The following ERBB4 variants were observed in gnomAD, a reference collection of about 807,000 sequenced individuals.
ERBB4 encodes the protein receptor tyrosine-protein kinase erbB-4.
A neutral mutation model predicts 158.0 loss-of-function variants in ERBB4; 42 were observed. That is an observed-to-expected ratio of 0.27 (90% CI 0.21 to 0.34). The LOEUF (loss-of-function observed/expected upper bound fraction) is 0.34. Among genes scored for constraint, ERBB4 ranks in the 10% least tolerant of loss-of-function variants. The pLI is 1.00. For synonymous variants in ERBB4, 583 were observed against 558.7 expected, an observed-to-expected ratio of 1.04 and a Z score of -0.61; for missense variants, 1,333 against 1,624.1, an observed-to-expected ratio of 0.82 and a Z score of 3.08.
At chr2:211,509,154 AGG>A (rs56166526) in intron 20 of ERBB4, among the ~76,000 whole-genome samples, 78,419 of 150,992 alleles carry the variant, frequency 0.52, 20,597 homozygotes, top group Middle Eastern at 0.56. Context: ...GGACACAGGG[AGG>A]GGGGAGTATC....
chr2:211,500,445 A>T (rs1449729161), intron 20 of ERBB4, among the ~76,000 whole-genome samples: 2 of 152,134 alleles, frequency 1.3e-5, no homozygotes, highest in Admixed American at 1.3e-4. Flanking sequence ...AGTCAAGATA[A>T]TTTATTTAAA....
intron 1 of ERBB4, among the ~76,000 whole-genome samples, chr2:212,474,739 T>A (rs1446296048): frequency 6.6e-6 from 1 of 151,920 alleles, no homozygotes; most frequent in Non-Finnish European, 1.5e-5. Flanking sequence ...TGGGTAGGCA[T>A]TTCCAATAGA....
chr2:212,412,325 G>A (rs1433089383), intron 1 of ERBB4, among the ~76,000 whole-genome samples: 2 of 152,152 alleles, frequency 1.3e-5, no homozygotes, highest in Non-Finnish European at 2.9e-5. Flanking sequence ...CCTGATGGCA[G>A]GTGTTTGGAT....
chr2:211,925,836 CT>C (rs577943772), intron 3 of ERBB4, among the ~76,000 whole-genome samples: 5 of 151,212 alleles, frequency 3.3e-5, no homozygotes, highest in Admixed American at 2.0e-4. Flanking sequence ...CTTTTTCTCT[CT>C]TTTTTTTTAC....
intron 4 of ERBB4, among the ~76,000 whole-genome samples, chr2:211,762,636 G>C (rs1486706692): frequency 6.6e-6 from 1 of 152,146 alleles, no homozygotes; most frequent in Admixed American, 6.5e-5. Context: ...CATGCTAATG[G>C]GTCCCTGAGG....
chr2:211,532,412 CCTA>C (rs1416117126), intron 20 of ERBB4, among the ~76,000 whole-genome samples: 4 of 151,872 alleles, frequency 2.6e-5, no homozygotes, highest in Non-Finnish European at 5.9e-5. Flanking sequence ...AACATATACA[CCTA>C]CTATGTACCC....
intron 1 of ERBB4, among the ~76,000 whole-genome samples, chr2:212,131,266 T>A (rs189603144): frequency 6.6e-6 from 1 of 151,796 alleles, no homozygotes; most frequent in Admixed American, 6.6e-5. Flanking sequence ...GATTTCCTAT[T>A]TGCCCCATTA....
At chr2:212,509,832 T>C (rs908349041) in intron 1 of ERBB4, among the ~76,000 whole-genome samples, 3 of 151,982 alleles carry the variant, frequency 2.0e-5, no homozygotes, top group African/African-American at 7.2e-5. Flanking sequence ...AGTTTCTATG[T>C]ATTAAGTTAT....
At chr2:212,238,806 T>A (rs989074502) in intron 1 of ERBB4, among the ~76,000 whole-genome samples, 2 of 152,076 alleles carry the variant, frequency 1.3e-5, no homozygotes, top group Admixed American at 1.3e-4. Context: ...AGCAATTTTT[T>A]TTTTGTTTTT....
chr2:212,300,728 C>T (rs1245172653), intron 1 of ERBB4, among the ~76,000 whole-genome samples: 1 of 151,404 alleles, frequency 6.6e-6, no homozygotes, highest in Admixed American at 6.6e-5. Context: ...AGAACTACCT[C>T]GATTTTTAGA....
At chr2:212,170,290 G>T (rs943247074) in intron 1 of ERBB4, among the ~76,000 whole-genome samples, 80 of 152,176 alleles carry the variant, frequency 5.3e-4, no homozygotes, top group African/African-American at 1.9e-3. Context: ...GTGGCATTTT[G>T]CCCCTGCCCT....
chr2:211,692,278 G>A (rs991586658), intron 12 of ERBB4, among the ~76,000 whole-genome samples: 5 of 152,146 alleles, frequency 3.3e-5, no homozygotes, highest in Admixed American at 2.0e-4. Flanking sequence ...TCGAACCCCT[G>A]GATCCAATTG....
intron 5 of ERBB4, among the ~76,000 whole-genome samples, chr2:211,736,411 A>G (rs1559471965): frequency 6.6e-6 from 1 of 152,188 alleles, no homozygotes; most frequent in African/African-American, 2.4e-5. Flanking sequence ...TATTTCAATA[A>G]AAATGTATTG....
intron 4 of ERBB4, among the ~76,000 whole-genome samples, chr2:211,762,706 A>T (rs1271010640): frequency 6.6e-6 from 1 of 152,176 alleles, no homozygotes; most frequent in Admixed American, 6.5e-5. Flanking sequence ...AACGTGGTTC[A>T]ACAGCTAAAA....
At chr2:212,094,503 C>A (rs1242840694) in intron 2 of ERBB4, among the ~76,000 whole-genome samples, 1 of 151,132 alleles carries the variant, frequency 6.6e-6, no homozygotes, top group African/African-American at 2.4e-5. Context: ...AGATTTCAAT[C>A]AAACTTGTTC....
intron 16 of ERBB4, among the ~76,000 whole-genome samples, chr2:211,645,501 T>C (rs2070753081): frequency 6.6e-6 from 1 of 151,722 alleles, no homozygotes; most frequent in African/African-American, 2.4e-5. Context: ...GCTGACCATC[T>C]AGGATTACTT....
At chr2:211,638,346 G>T (rs1011708540) in intron 16 of ERBB4, among the ~76,000 whole-genome samples, 3 of 152,018 alleles carry the variant, frequency 2.0e-5, no homozygotes, top group African/African-American at 4.8e-5. Context: ...ACATTTTAAG[G>T]GTTACTGCCT....
At chr2:212,530,034 T>C (rs1308917338) in intron 1 of ERBB4, among the ~76,000 whole-genome samples, 1 of 152,100 alleles carries the variant, frequency 6.6e-6, no homozygotes, top group African/African-American at 2.4e-5. Context: ...TTAGCAGGCT[T>C]TGAACATTAC....
At chr2:212,286,602 T>TTTTTTGTTTTGTTTG (rs1559928604) in intron 1 of ERBB4, among the ~76,000 whole-genome samples, 1 of 127,634 alleles carries the variant, frequency 7.8e-6, no homozygotes, top group Non-Finnish European at 1.6e-5. Context: ...GACTTTTTTT[T>TTTTTTGTTTTGTTTG]TTTTTTTTTT....
Sources: gnomAD v4.1 joint callset for allele counts (sites outside exome capture counted in the v4.1 genomes callset) on GRCh38, gnomAD v4.1.1 for gene constraint, MANE v1.5 for transcripts, NCBI Gene and HGNC (gene_info 2026-07-23, HGNC 2026-07-21) for gene names.